The following GPC6 variants were observed in gnomAD, a reference collection of about 807,000 sequenced individuals.
GPC6 encodes glypican 6.
In GPC6, 14 loss-of-function variants were observed where a neutral mutation model predicts 55.2. The ratio of observed to expected loss-of-function variants is 0.25; its 90% CI spans 0.17 to 0.40. The LOEUF (loss-of-function observed/expected upper bound fraction) is 0.40, where lower values mean the gene tolerates loss of function less well. GPC6 is among the 10% of genes least tolerant of loss of function. The pLI, the probability that GPC6 is intolerant of heterozygous loss-of-function variation, is 1.00. For missense variants in GPC6, 641 were observed against 708.5 expected, an observed-to-expected ratio of 0.90 and a Z score of 1.08; for synonymous variants, 278 against 259.6, an observed-to-expected ratio of 1.07 and a Z score of -0.68.
rs919929577 is a variant in GPC6 at position 93,434,746 on chromosome 13, C to A, written c.161-110517C>A. Among the ~76,000 whole-genome samples, 6 of 152,248 alleles carry A rather than the reference C, an allele frequency of 3.9e-5. No homozygotes were observed. In the East Asian group the frequency reaches 1.2e-3, roughly 29 times the overall value. The stretch of plus-strand genomic sequence containing the variant: ...TTTTTGAGACAGAGTCTCGTTCTGT[C>A]GCCAGGCTGGAGTGCAGTGGCATGA... On this transcript the variant is annotated intron_variant, in intron 1 of 8. Transcript: ENST00000377047.
At chr13:93,259,966 C>G (rs1877085206) in intron 1 of GPC6, among the ~76,000 whole-genome samples, 1 of 151,852 alleles carries the variant, frequency 6.6e-6, no homozygotes, top group African/African-American at 2.4e-5. Context: ...TTTTGAAGTT[C>G]CAGATTTACT....
chr13:94,144,043 A>G (rs1887472556), intron 4 of GPC6, among the ~76,000 whole-genome samples: 1 of 152,158 alleles, frequency 6.6e-6, no homozygotes, highest in Admixed American at 6.6e-5. Flanking sequence ...TTTTGTCCTA[A>G]TGGTGAAAAG....
intron 1 of GPC6, among the ~76,000 whole-genome samples, chr13:93,508,160 G>A (rs1011137183): frequency 2.0e-5 from 3 of 152,162 alleles, no homozygotes; most frequent in Admixed American, 1.3e-4. Flanking sequence ...AGTGATGAGA[G>A]GTTTATTTTA....
rs76781539 is a variant in GPC6, at chr13:94,080,952, G to C, written c.877+53058G>C. 7.8e-3 allele frequency among the ~76,000 whole-genome samples: 1,193 copies of C among 152,282 alleles called. 16 individuals are homozygous for C. The highest frequency in any genetic ancestry group is 0.027 in the African/African-American group (1,104 of 41,564). On this transcript the variant is annotated intron_variant, in intron 4 of 8. Coordinates refer to ENST00000377047, the MANE Select transcript of GPC6 (RefSeq NM_005708.5). ...TGTTTAGCTCATCAATGCCAAAGATGTTCTTTTAGAGTCTTCTGATGAACC... is the reference window on the plus strand; with the variant it reads ...TGTTTAGCTCATCAATGCCAAAGATCTTCTTTTAGAGTCTTCTGATGAACC...
At chr13:93,926,860 G>T (rs572605979) in intron 3 of GPC6, among the ~76,000 whole-genome samples, 10 of 152,178 alleles carry the variant, frequency 6.6e-5, no homozygotes, top group African/African-American at 2.4e-4. Context: ...TAGGGCAAAT[G>T]TTTGAGTCAC....
intron 3 of GPC6, among the ~76,000 whole-genome samples, chr13:93,948,016 G>A (rs767024286): frequency 6.6e-6 from 1 of 151,990 alleles, no homozygotes; most frequent in Non-Finnish European, 1.5e-5. Flanking sequence ...ATTGTATCCT[G>A]TGTTGTAACT....
intron 2 of GPC6, among the ~76,000 whole-genome samples, chr13:93,721,700 T>C (rs1883460241): frequency 6.6e-6 from 1 of 151,776 alleles, no homozygotes; most frequent in Admixed American, 6.6e-5. Flanking sequence ...GATTTACTGC[T>C]ATTTTGGCTA....
rs142257478 is a variant in GPC6, at chr13:94,077,005, T to G, written c.877+49111T>G. On this transcript the variant is annotated intron_variant, in intron 4 of 8. Coordinates refer to ENST00000377047, the MANE Select transcript of GPC6 (RefSeq NM_005708.5). ...TGGCTTTATATGAATTTTAGGATTT[T>G]TATTCCATTTATGACATTGGGATTT... 4.6e-3 allele frequency among the ~76,000 whole-genome samples: 703 copies of G among 151,580 alleles called. 8 individuals carry two copies. Among genetic ancestry groups the G allele is most frequent in the African/African-American group, 0.016 (668 of 41,440 alleles).
At chr13:94,379,572 C>A (rs1880065846) in intron 6 of GPC6, among the ~76,000 whole-genome samples, 1 of 152,148 alleles carries the variant, frequency 6.6e-6, no homozygotes, top group Non-Finnish European at 1.5e-5. Flanking sequence ...AGTATTGTGA[C>A]CCCAGCTAAT....
chr13:93,531,792 T>C (rs1463873307), intron 1 of GPC6, among the ~76,000 whole-genome samples: 1 of 152,204 alleles, frequency 6.6e-6, no homozygotes, highest in Non-Finnish European at 1.5e-5. Context: ...GTTGTAAAAA[T>C]TTATTTCATA....
At chr13:94,247,797 T>C (rs1005096363) in intron 4 of GPC6, among the ~76,000 whole-genome samples, 7 of 152,202 alleles carry the variant, frequency 4.6e-5, no homozygotes, top group African/African-American at 1.7e-4. Context: ...TCAGAGATAT[T>C]GGCCTGTTGT....
chr13:94,305,240 G>A (rs770653714), intron 5 of GPC6, among the ~76,000 whole-genome samples: 1 of 152,150 alleles, frequency 6.6e-6, no homozygotes, highest in Non-Finnish European at 1.5e-5. Flanking sequence ...TACAAGGTTA[G>A]GCTCCTGCAA....
chr13:93,666,703 A>C (rs1012890121), intron 2 of GPC6, among the ~76,000 whole-genome samples: 1 of 152,168 alleles, frequency 6.6e-6, no homozygotes, highest in Non-Finnish European at 1.5e-5. Context: ...ACCAAATTTG[A>C]AACTAAATAA....
chr13:93,792,112 G>A (rs946069081), intron 2 of GPC6, among the ~76,000 whole-genome samples: 1 of 152,222 alleles, frequency 6.6e-6, no homozygotes, highest in Non-Finnish European at 1.5e-5. Context: ...AAATGGAAAT[G>A]CTATTGAACC....
intron 2 of GPC6, among the ~76,000 whole-genome samples, chr13:93,623,386 C>T (rs1879040448): frequency 6.6e-6 from 1 of 151,738 alleles, no homozygotes; most frequent in African/African-American, 2.4e-5. Context: ...AATTTACACT[C>T]CCACTCGTGT....
intron 1 of GPC6, among the ~76,000 whole-genome samples, chr13:93,295,109 C>CAAAAAA (rs71202577): frequency 3.6e-3 from 219 of 61,300 alleles, no homozygotes; most frequent in East Asian, 5.5e-3. Flanking sequence ...TCTGTCTCTG[C>CAAAAAA]AAAAAAAAAA....
At chr13:94,104,733 A>T (rs1885991852) in intron 4 of GPC6, among the ~76,000 whole-genome samples, 1 of 152,170 alleles carries the variant, frequency 6.6e-6, no homozygotes, top group South Asian at 2.1e-4. Flanking sequence ...CAAAGAGAAT[A>T]AAATACCTAG....
chr13:93,426,501 T>A (rs1877134198), intron 1 of GPC6, among the ~76,000 whole-genome samples: 1 of 148,044 alleles, frequency 6.8e-6, no homozygotes, highest in Non-Finnish European at 1.5e-5. Flanking sequence ...GTTTTTTTGT[T>A]CTTGCGATAG....
At chr13:93,219,521 CAAAT>C in the GPC6 span, among the ~76,000 whole-genome samples, 5 of 152,044 alleles carry the variant, frequency 3.3e-5, no homozygotes, top group African/African-American at 4.8e-5. Context: ...AACAAGAAAA[CAAAT>C]AAATTTTATT....
Sources: allele counts gnomAD v4.1 joint callset (sites outside exome capture counted in the v4.1 genomes callset), GRCh38; gene constraint gnomAD v4.1.1; transcripts MANE v1.5; gene names NCBI Gene and HGNC (gene_info 2026-07-23, HGNC 2026-07-21).